Variants in RSF1 observed in about 807,000 individuals in gnomAD.
The protein encoded by RSF1 is remodeling and spacing factor 1.
In RSF1, 13 loss-of-function variants were observed where a neutral mutation model predicts 145.2. The ratio of observed to expected loss-of-function variants is 0.09; its 90% confidence interval spans 0.06 to 0.14. The LOEUF is 0.14. Among genes scored for constraint, RSF1 ranks in the 10% least tolerant of loss-of-function variants. The pLI is 1.00. For missense variants in RSF1, 1,517 were observed against 1,718.2 expected (o/e 0.88, Z 2.07); for synonymous variants, 577 against 592.6 (o/e 0.97, Z 0.38).
the RSF1 span, among the ~76,000 whole-genome samples, chr11:77,863,375 C>G: frequency 6.6e-6 from 1 of 152,134 alleles, no homozygotes; most frequent in Non-Finnish European, 1.5e-5. Flanking sequence ...TGAGCGAAAA[C>G]TCAGCTCGAG....
chr11:77,867,991 T>A, the RSF1 span, among the ~76,000 whole-genome samples: 1 of 152,096 alleles, frequency 6.6e-6, no homozygotes, highest in South Asian at 2.1e-4. Flanking sequence ...TCCCACCTCA[T>A]CTGTCACTCT....
chr11:77,838,217 A>T, the RSF1 span, among the ~76,000 whole-genome samples: 26,732 of 152,162 alleles, frequency 0.18, 2,817 homozygotes, highest in Non-Finnish European at 0.24. Flanking sequence ...CAAGATGTAG[A>T]CTGTGACTGT....
chr11:77,800,218 G>A (rs1293675688), intron 1 of RSF1, among the ~76,000 whole-genome samples: 1 of 152,082 alleles, frequency 6.6e-6, no homozygotes, highest in Non-Finnish European at 1.5e-5. Context: ...GTGGTAGGGC[G>A]TAGTGGCTCA....
At chr11:77,767,947 G>C (rs528173861) in intron 1 of RSF1, among the ~76,000 whole-genome samples, 2 of 152,128 alleles carry the variant, frequency 1.3e-5, no homozygotes, top group Non-Finnish European at 2.9e-5. Flanking sequence ...ACTCATTGTT[G>C]ATTTAGGCAT....
At chr11:77,716,726 T>C (rs1463050876) in intron 5 of RSF1, among the ~76,000 whole-genome samples, 1 of 152,206 alleles carries the variant, frequency 6.6e-6, no homozygotes, top group Non-Finnish European at 1.5e-5. Flanking sequence ...ACTGTATACC[T>C]GAAAATTGCT....
At chr11:77,859,356 A>G in the RSF1 span, among the ~76,000 whole-genome samples, 2 of 152,148 alleles carry the variant, frequency 1.3e-5, no homozygotes, top group Non-Finnish European at 2.9e-5. Context: ...CCAGCAGTGT[A>G]AGACTGCTAC....
chr11:77,755,325 C>T (rs1231735187), intron 2 of RSF1, among the ~76,000 whole-genome samples: 3 of 152,242 alleles, frequency 2.0e-5, no homozygotes, highest in South Asian at 4.1e-4. Context: ...GCTGATGGAA[C>T]AGATGTGGAG....
intron 1 of RSF1, among the ~76,000 whole-genome samples, chr11:77,771,201 G>A (rs1220609441): frequency 6.6e-6 from 1 of 152,156 alleles, no homozygotes; most frequent in Non-Finnish European, 1.5e-5. Context: ...TAATTTCTCT[G>A]CCCAGTAATT....
chr11:77,866,682 C>A, the RSF1 span: 4 of 151,622 alleles, frequency 2.6e-5, no homozygotes, highest in Admixed American at 2.6e-4. Flanking sequence ...CCTCTTGTTT[C>A]ATTTTACTAG....
At chr11:77,857,196 T>G in the RSF1 span, among the ~76,000 whole-genome samples, 1 of 152,174 alleles carries the variant, frequency 6.6e-6, no homozygotes, top group African/African-American at 2.4e-5. Context: ...AGTGCCACGG[T>G]AGATGAACCA....
At chr11:77,814,264 G>A (rs112873821) in intron 1 of RSF1, among the ~76,000 whole-genome samples, 26,575 of 151,360 alleles carry the variant, frequency 0.18, 2,913 homozygotes, top group African/African-American at 0.29. Flanking sequence ...TTGGGAGGCC[G>A]AGGTGGGAGT....
chr11:77,720,175 G>T (rs115201893), intron 5 of RSF1, among the ~76,000 whole-genome samples: 1,682 of 152,234 alleles, frequency 0.011, 34 homozygotes, highest in African/African-American at 0.037. Context: ...GGCCAAATTA[G>T]GTCTGTGAGC....
At chr11:77,677,536 C>CCT (rs1156433714) in intron 12 of RSF1, among the ~76,000 whole-genome samples, 2 of 152,200 alleles carry the variant, frequency 1.3e-5, no homozygotes, top group African/African-American at 2.4e-5. Flanking sequence ...AAGCCTTAAA[C>CCT]AATCTACTTA....
At chr11:77,694,684 T>C (rs535221279) in intron 7 of RSF1, among the ~76,000 whole-genome samples, 1 of 152,342 alleles carries the variant, frequency 6.6e-6, no homozygotes, top group African/African-American at 2.4e-5. Context: ...ACATCAATAC[T>C]ATGAACTAAA....
chr11:77,678,667 C>A (rs1348163380), intron 11 of RSF1, among the ~76,000 whole-genome samples: 1 of 152,022 alleles, frequency 6.6e-6, no homozygotes, highest in Admixed American at 6.6e-5. Flanking sequence ...AGATTAGTGC[C>A]CATATAAAAG....
Position 77,672,020 on chromosome 11 carries a change from ATATAGGAGACC to A in RSF1, c.3751+11_3751+21del. The A allele has an allele frequency of 6.3e-7, 1 of 1,593,664 alleles. No homozygotes were observed. The highest frequency in any genetic ancestry group is 8.5e-7 in the Non-Finnish European group (1 of 1,171,920). Reference sequence around the variant, plus strand: ...TATTTTGCCCTGTCCAAACTTCTATATATAGGAGACCTATGCCTTACCTTCACTCTCTGAGC... The same window carrying A: ...TATTTTGCCCTGTCCAAACTTCTATATATGCCTTACCTTCACTCTCTGAGC... On this transcript the variant is annotated intron_variant, in intron 15 of 15. Transcript: ENST00000308488.
At chr11:77,865,440 G>T in the RSF1 span, among the ~76,000 whole-genome samples, 2 of 152,160 alleles carry the variant, frequency 1.3e-5, no homozygotes, top group African/African-American at 4.8e-5. Flanking sequence ...AGGCATGGCA[G>T]GGCTCTAACT....
the RSF1 span, among the ~76,000 whole-genome samples, chr11:77,839,021 A>T: frequency 6.6e-6 from 1 of 152,116 alleles, no homozygotes; most frequent in Non-Finnish European, 1.5e-5. Flanking sequence ...AGTCATTGTT[A>T]CCATATTTTT....
intron 11 of RSF1, among the ~76,000 whole-genome samples, chr11:77,680,701 C>G (rs1351546216): frequency 6.6e-6 from 1 of 152,194 alleles, no homozygotes; most frequent in East Asian, 1.9e-4. Context: ...TAGTATCTCA[C>G]CTTACAGATG....
Sources: gnomAD v4.1 joint callset for allele counts (sites outside exome capture counted in the v4.1 genomes callset) on GRCh38, gnomAD v4.1.1 for gene constraint, MANE v1.5 for transcripts, NCBI Gene and HGNC (gene_info 2026-07-23, HGNC 2026-07-21) for gene names.